The following SBF2 variants were observed in gnomAD, a reference collection of about 807,000 sequenced individuals.
SBF2 encodes the protein myotubularin-related protein 13.
Under a neutral mutation model 225.2 loss-of-function variants are expected in SBF2, and 112 were observed. That is an observed-to-expected ratio of 0.50 (90% CI 0.43 to 0.58). SBF2 has a LOEUF of 0.58. Among genes scored for constraint, SBF2 ranks in the 20% least tolerant of loss-of-function variants. SBF2 has a pLI of 0.00. For synonymous variants in SBF2, 763 were observed against 773.3 expected (o/e 0.99, Z 0.22); for missense variants, 1,996 against 2,206.2 (o/e 0.90, Z 1.91).
At chr11:10,172,031 T>C (rs950764211) in intron 2 of SBF2, among the ~76,000 whole-genome samples, 3 of 152,110 alleles carry the variant, frequency 2.0e-5, no homozygotes, top group African/African-American at 7.2e-5. Context: ...TGGGTCTTTA[T>C]TTTTTTCTTA....
chr11:9,787,805 C>T (rs976630766), intron 35 of SBF2, 67 bp from the exon 36 acceptor site: 4 of 1,350,470 alleles, frequency 3.0e-6, no homozygotes, highest in South Asian at 1.2e-5. Flanking sequence ...CAAAGCCACA[C>T]TGCTTCTGTA....
rs374560678 is a variant in SBF2, at chr11:10,021,918, C to T, written c.619+6534G>A. 1.8e-4 allele frequency among the ~76,000 whole-genome samples: 28 copies of T among 152,322 alleles called. 1 individual carries two copies. In the East Asian group the frequency reaches 2.1e-3, roughly 12 times the overall value. On this transcript the variant is annotated intron_variant, in intron 6 of 39. Coordinates refer to ENST00000256190, the MANE Select transcript of SBF2 (RefSeq NM_030962.4). ...ACACTGCACTGCATCTTTCTTTCTG[C>T]TTTGCTTCCTTATCTTTTCCCCATT...
At chr11:9,901,818 T>A (rs1861742124) in intron 16 of SBF2, among the ~76,000 whole-genome samples, 1 of 152,142 alleles carries the variant, frequency 6.6e-6, no homozygotes, top group Non-Finnish European at 1.5e-5. Flanking sequence ...GTAATTTTTG[T>A]ATTTTTTGTA....
At chr11:9,841,559 C>T (rs1342102578) in intron 25 of SBF2, among the ~76,000 whole-genome samples, 1 of 148,608 alleles carries the variant, frequency 6.7e-6, no homozygotes, top group Non-Finnish European at 1.5e-5. Flanking sequence ...GAGGCAGAGT[C>T]TTGCTCTGTC....
chr11:10,184,966 T>A (rs1036911740), intron 2 of SBF2, among the ~76,000 whole-genome samples: 1 of 152,068 alleles, frequency 6.6e-6, no homozygotes, highest in Non-Finnish European at 1.5e-5. Flanking sequence ...AGTATTTGTG[T>A]TTTTTTGTGA....
intron 16 of SBF2, among the ~76,000 whole-genome samples, chr11:9,930,275 A>G (rs1864390155): frequency 6.6e-6 from 1 of 152,232 alleles, no homozygotes; most frequent in Non-Finnish European, 1.5e-5. Flanking sequence ...ACAATATATA[A>G]CAGTACTATT....
intron 1 of SBF2, among the ~76,000 whole-genome samples, chr11:10,283,511 A>C (rs1297170331): frequency 6.6e-6 from 1 of 152,198 alleles, no homozygotes; most frequent in African/African-American, 2.4e-5. Flanking sequence ...TCTCTAACAT[A>C]CTTAAACAGA....
chr11:9,936,578 A>T (rs1864913724), intron 16 of SBF2, among the ~76,000 whole-genome samples: 1 of 152,240 alleles, frequency 6.6e-6, no homozygotes, highest in Non-Finnish European at 1.5e-5. Context: ...GATAGACTGG[A>T]TTAAGAAAAT....
intron 1 of SBF2, among the ~76,000 whole-genome samples, chr11:10,258,081 T>TACACACACATACAC (rs1555098202): frequency 7.2e-6 from 1 of 138,940 alleles, no homozygotes; most frequent in African/African-American, 2.7e-5. Flanking sequence ...TACACACACA[T>TACACACACATACAC]ACACACACAC....
At chr11:9,996,431 C>G (rs939260549) in intron 9 of SBF2, among the ~76,000 whole-genome samples, 1 of 152,066 alleles carries the variant, frequency 6.6e-6, no homozygotes, top group East Asian at 1.9e-4. Flanking sequence ...GCTCTGTCAC[C>G]CAGGCTGGAG....
chr11:9,884,786 T>C (rs11824133), intron 17 of SBF2, among the ~76,000 whole-genome samples: 1,982 of 152,320 alleles, frequency 0.013, 34 homozygotes, highest in African/African-American at 0.045. Context: ...TTTTCTGGGC[T>C]AAATTAGTCA....
At chr11:9,831,947 G>C (rs544158851) in intron 27 of SBF2, among the ~76,000 whole-genome samples, 9 of 152,280 alleles carry the variant, frequency 5.9e-5, no homozygotes, top group African/African-American at 2.2e-4. Context: ...TGGTTTGCTG[G>C]AATGAAAATT....
intron 1 of SBF2, among the ~76,000 whole-genome samples, chr11:10,280,310 T>C (rs1447179278): frequency 1.3e-5 from 2 of 152,194 alleles, no homozygotes; most frequent in Non-Finnish European, 2.9e-5. Flanking sequence ...CCCAAATACA[T>C]GTGCTTGAGA....
intron 2 of SBF2, among the ~76,000 whole-genome samples, chr11:10,070,833 C>A (rs534997007): frequency 6.6e-6 from 1 of 152,128 alleles, no homozygotes; most frequent in South Asian, 2.1e-4. Context: ...TCTTTTATTT[C>A]GTTGAGCAGT....
chr11:10,218,592 T>C (rs570351229), intron 1 of SBF2, among the ~76,000 whole-genome samples: 1 of 152,230 alleles, frequency 6.6e-6, no homozygotes, highest in South Asian at 2.1e-4. Flanking sequence ...CTGTTCCACC[T>C]ACGAGCCTGT....
intron 33 of SBF2, chr11:9,791,236 TA>T (rs1422107844): frequency 6.6e-6 from 1 of 152,266 alleles, no homozygotes; most frequent in Non-Finnish European, 1.5e-5. Flanking sequence ...GCAGAACTTT[TA>T]TACCTTTTTC....
chr11:10,103,383 T>G (rs1952397964), intron 2 of SBF2, among the ~76,000 whole-genome samples: 1 of 152,212 alleles, frequency 6.6e-6, no homozygotes, highest in South Asian at 2.1e-4. Flanking sequence ...TGAAATGGTG[T>G]TTGGCTTTCT....
At chr11:10,034,401 T>G (rs1949363707) in intron 3 of SBF2, among the ~76,000 whole-genome samples, 1 of 152,208 alleles carries the variant, frequency 6.6e-6, no homozygotes, top group African/African-American at 2.4e-5. Flanking sequence ...CAAAAAGTAC[T>G]AGATTGCTGA....
chr11:10,196,414 C>G (rs913704743), intron 1 of SBF2, among the ~76,000 whole-genome samples: 4 of 152,120 alleles, frequency 2.6e-5, no homozygotes, highest in African/African-American at 9.7e-5. Context: ...GGGTCTCACT[C>G]TGTTGCCCAG....
Sources: gnomAD v4.1 joint callset for allele counts (sites outside exome capture counted in the v4.1 genomes callset) on GRCh38, gnomAD v4.1.1 for gene constraint, MANE v1.5 for transcripts, NCBI Gene and HGNC (gene_info 2026-07-23, HGNC 2026-07-21) for gene names.